Variants in PPEF1 observed in about 807,000 individuals in gnomAD.
PPEF1 encodes serine/threonine-protein phosphatase with EF-hands 1.
In PPEF1, 12 loss-of-function variants were observed where a neutral mutation model predicts 53.3. That is an observed-to-expected ratio of 0.23 (90% CI 0.14 to 0.36). The LOEUF is 0.36. Among genes scored for constraint, PPEF1 ranks in the 10% least tolerant of loss-of-function variants. The pLI is 1.00. For synonymous variants in PPEF1, 165 were observed against 176.7 expected (o/e 0.93, Z 0.52); for missense variants, 334 against 490.4 (o/e 0.68, Z 3.01).
At chrX:18,790,950 T>C (rs58502418) in intron 10 of PPEF1, among the ~76,000 whole-genome samples, 20,677 of 110,565 alleles carry the variant, frequency 0.19, 2,447 homozygotes, top group African/African-American at 0.44. Context: ...GGATTACAGG[T>C]GTGAGCCACT....
At chrX:18,776,480 G>A (rs915989812) in intron 6 of PPEF1, among the ~76,000 whole-genome samples, 7 of 111,045 alleles carry the variant, frequency 6.3e-5, no homozygotes, top group East Asian at 2.8e-4. Flanking sequence ...CAAGCGATCC[G>A]TCCACCTCGG....
At chrX:18,737,606 T>TA (rs2045018718) in intron 3 of PPEF1, among the ~76,000 whole-genome samples, 1 of 111,953 alleles carries the variant, frequency 8.9e-6, no homozygotes, top group Non-Finnish European at 1.9e-5. Flanking sequence ...TTCTGTTGAT[T>TA]GGGGTGGAGA....
chrX:18,682,967 A>G (rs1350423148), upstream of PPEF1, among the ~76,000 whole-genome samples: 1 of 111,644 alleles, frequency 9.0e-6, no homozygotes, highest in Non-Finnish European at 1.9e-5. Context: ...GCGGAGGATG[A>G]AGGAGGAGCA....
intron 6 of PPEF1, among the ~76,000 whole-genome samples, chrX:18,763,769 A>C (rs1271242314): frequency 8.9e-6 from 1 of 112,002 alleles, no homozygotes; most frequent in East Asian, 2.8e-4. Flanking sequence ...TTGGAAGGGA[A>C]GAGGACAGGC....
intron 6 of PPEF1, among the ~76,000 whole-genome samples, chrX:18,776,328 G>A (rs889569282): frequency 5.4e-5 from 6 of 111,118 alleles, no homozygotes; most frequent in Non-Finnish European, 1.1e-4. Flanking sequence ...CGACCTCCCA[G>A]GCCTCAGACA....
intron 7 of PPEF1, among the ~76,000 whole-genome samples, chrX:18,781,390 T>A (rs2046082193): frequency 1.8e-5 from 2 of 110,462 alleles, no homozygotes; most frequent in Non-Finnish European, 3.8e-5. Context: ...TAGGATGTAA[T>A]CTGAAGGAAC....
At chrX:18,802,405 C>G (rs1193056045) in intron 10 of PPEF1, among the ~76,000 whole-genome samples, 4 of 111,458 alleles carry the variant, frequency 3.6e-5, no homozygotes, top group Non-Finnish European at 7.5e-5. Flanking sequence ...ATCTTTAGTC[C>G]TGGACATCAT....
chrX:18,749,984 G>T (rs916388380), intron 4 of PPEF1, 32 bp downstream of exon 4: 1 of 1,125,737 alleles, frequency 8.9e-7, no homozygotes, highest in Admixed American at 2.2e-5. Context: ...CTTGATTCTT[G>T]TACATAACAG....
At chrX:18,751,122 G>T (rs1370162738) in intron 4 of PPEF1, among the ~76,000 whole-genome samples, 2 of 111,629 alleles carry the variant, frequency 1.8e-5, no homozygotes, top group African/African-American at 6.5e-5. Context: ...TCTGTAGGTT[G>T]TTTTTTCATT....
At chrX:18,807,341 T>C (rs1359063696) in intron 12 of PPEF1, among the ~76,000 whole-genome samples, 1 of 112,210 alleles carries the variant, frequency 8.9e-6, no homozygotes, top group Non-Finnish European at 1.9e-5. Context: ...TAAGATTTTT[T>C]ACATTATAGA....
intron 6 of PPEF1, among the ~76,000 whole-genome samples, chrX:18,771,977 T>C (rs1416526028): frequency 9.1e-6 from 1 of 110,360 alleles, no homozygotes; most frequent in Non-Finnish European, 1.9e-5. Context: ...TAGCCAGGCC[T>C]GGTGGCACAG....
intron 3 of PPEF1, among the ~76,000 whole-genome samples, chrX:18,742,245 T>A (rs777026941): frequency 5.6e-4 from 63 of 112,287 alleles, no homozygotes; most frequent in Non-Finnish European, 1.1e-3. Context: ...TGTTTTCAGA[T>A]TGGTGATTTA....
chrX:18,783,752 A>G (rs2046144042), intron 8 of PPEF1, 147 bp from the exon 9 acceptor site: 2 of 528,032 alleles, frequency 3.8e-6, no homozygotes, highest in Non-Finnish European at 6.2e-6. Flanking sequence ...ATAAAAAGAC[A>G]TGATGAATAC....
chrX:18,817,396 C>T (rs1432212985), intron 12 of PPEF1, among the ~76,000 whole-genome samples: 1 of 109,764 alleles, frequency 9.1e-6, no homozygotes. Context: ...GGCTGGAGTG[C>T]AATGGTGCAA....
chrX:18,785,375 T>C (rs2046178169), intron 9 of PPEF1, among the ~76,000 whole-genome samples: 1 of 111,681 alleles, frequency 9.0e-6, no homozygotes, highest in Non-Finnish European at 1.9e-5. Context: ...AAGTACTTAA[T>C]AGTCACTGAC....
At chrX:18,812,527 T>A (rs2046831068) in intron 12 of PPEF1, among the ~76,000 whole-genome samples, 1 of 111,868 alleles carries the variant, frequency 8.9e-6, no homozygotes, top group African/African-American at 3.2e-5. Flanking sequence ...AAATACCAGC[T>A]GAGAATTTGA....
At chrX:18,739,912 G>A (rs1201602496) in intron 3 of PPEF1, among the ~76,000 whole-genome samples, 2 of 112,421 alleles carry the variant, frequency 1.8e-5, no homozygotes, top group Non-Finnish European at 3.8e-5. Context: ...GCGAGGCTCC[G>A]TGGGCGTGGG....
At chrX:18,759,567 A>G (rs751913671) in intron 5 of PPEF1, among the ~76,000 whole-genome samples, 56 of 111,648 alleles carry the variant, frequency 5.0e-4, no homozygotes, top group Middle Eastern at 4.6e-3. Flanking sequence ...CCTTCTTCCC[A>G]TGGTACGAGT....
chrX:18,781,675 G>A (rs1022399980), intron 7 of PPEF1, among the ~76,000 whole-genome samples: 2 of 111,729 alleles, frequency 1.8e-5, no homozygotes, highest in African/African-American at 6.5e-5. Flanking sequence ...GATGTGACAT[G>A]ATTTCCATGG....
Sources: allele counts gnomAD v4.1 joint callset (sites outside exome capture counted in the v4.1 genomes callset), GRCh38; gene constraint gnomAD v4.1.1; transcripts MANE v1.5; gene names NCBI Gene and HGNC (gene_info 2026-07-23, HGNC 2026-07-21).